FOXO4: variants seen among roughly 807,000 people sequenced by gnomAD.
FOXO4 encodes the protein forkhead box protein O4.
Under a neutral mutation model 20.8 loss-of-function variants are expected in FOXO4, and 3 were observed. The observed-to-expected ratio is 0.14, with a 90% CI of 0.07 to 0.37. FOXO4 has a LOEUF of 0.37. Among genes scored for constraint, FOXO4 ranks in the 10% least tolerant of loss-of-function variants. The pLI is 1.00. For missense variants in FOXO4, 309 were observed against 431.9 expected, an observed-to-expected ratio of 0.72 and a Z score of 2.52; for synonymous variants, 158 against 180.0, an observed-to-expected ratio of 0.88 and a Z score of 0.98.
Position 71,096,300 on chromosome X carries a change from T to C in FOXO4, c.-229T>C. ...CTCGGCAGAGGTTACAGGTGGCATCTCAGAAAGAGCTTTGAGGCTACAGGC... is the reference window on the plus strand; with the variant it reads ...CTCGGCAGAGGTTACAGGTGGCATCCCAGAAAGAGCTTTGAGGCTACAGGC... On this transcript the variant is annotated 5_prime_UTR_variant, in exon 1 of 3. Coordinates refer to ENST00000374259, the MANE Select transcript of FOXO4 (RefSeq NM_005938.4). 2.3e-6 allele frequency: 1 copy of C among 435,801 alleles called. No individual in the cohort carries two copies. The highest frequency in any genetic ancestry group is 4.0e-6 in the Non-Finnish European group (1 of 248,146). The allele number at this position is 435,801 out of a possible 1,213,427, so 35.9% of individuals were successfully genotyped here. A position where few individuals can be genotyped will look rare whatever the true frequency, so the allele number is the denominator to read the frequency against.
chrX:71,103,263 G>A lies in FOXO4; in HGVS notation c.*1179G>A, dbSNP rs2092236515. 1 of 172,410 alleles carries A rather than the reference G, an allele frequency of 5.8e-6. No homozygotes were observed. The highest frequency in any genetic ancestry group is 7.9e-5 in the Admixed American group (1 of 12,661). The allele number at this position is 172,410 out of a possible 1,213,427, so 14.2% of individuals were successfully genotyped here. On this transcript the variant is annotated 3_prime_UTR_variant, in exon 3 of 3. Transcript: ENST00000374259. ...GGGGAGCTGGGGAGCTTGGCTGAGGGTCTGGGAAATGAGCAGGGATGGGGG... is the reference window on the plus strand; with the variant it reads ...GGGGAGCTGGGGAGCTTGGCTGAGGATCTGGGAAATGAGCAGGGATGGGGG...
Position 71,101,187 on chromosome X carries a change from ATC to A in FOXO4, c.960_961del (p.Arg321GlufsTer52). 8.3e-7 allele frequency: 1 copy of A among 1,210,936 alleles called. No homozygotes were observed. On this transcript the variant is annotated frameshift_variant, in exon 2 of 3. Transcript: ENST00000374259. LOFTEE classifies it high-confidence loss of function. ...ATCTCACCTCTTCCCATTCCCTGCT[ATC>A]TCGGAGTGGTCTCTCTGGCTTCTCT... Reference protein sequence around the residue: ...LNLTSSHSLLSRSGLSGFSLQ... With the variant: ...LNLTSSHSLLXRSGLSGFSLQ...
Position 71,096,907 on chromosome X carries a change from A to G in FOXO4, c.379A>G (p.Ile127Val). 1 of 1,210,042 alleles carries G rather than the reference A, an allele frequency of 8.3e-7. No individual in the cohort carries two copies. Among genetic ancestry groups the G allele is most frequent in the East Asian group, 3.0e-5 (1 of 33,804 alleles). The change falls in exon 1 of 3, where the codon ATC (isoleucine) becomes GTC (valine). Residue 127 changes from isoleucine (I) to valine (V), a missense_variant. Ile to Val is a conservative substitution (Grantham distance 29). Coordinates refer to ENST00000374259, the MANE Select transcript of FOXO4 (RefSeq NM_005938.4). ...APEKRLTLAQIYEWMVRTVPY... is the reference protein window; with the variant it reads ...APEKRLTLAQVYEWMVRTVPY... ...GGAGAAGCGACTGACACTTGCCCAG[A>G]TCTACGAGTGGATGGTCCGTACTGT...
chrX:71,099,270 G>A (rs954983666), intron 1 of FOXO4: 2 of 111,649 alleles, frequency 1.8e-5, no homozygotes, highest in Admixed American at 9.5e-5. Flanking sequence ...AGCTGCACTG[G>A]GGGCTGAAGA....
chrX:71,100,705 T>A lies in FOXO4; in HGVS notation c.475T>A (p.Ser159Thr). ...GWKNSIRHNL[S>T]LHSKFIKVHN... ...CCAGAACTCGATCCGCCACAACCTG[T>A]CCCTGCACAGCAAGTTCATCAAGGT... The change falls in exon 2 of 3, where the codon TCC becomes ACC. Residue 159 changes from serine to threonine, a missense_variant. By Grantham distance (58) the Ser-to-Thr change is moderately conservative (BLOSUM62 1). Coordinates refer to ENST00000374259, the MANE Select transcript of FOXO4 (RefSeq NM_005938.4). 8.3e-7 allele frequency: 1 copy of A among 1,200,248 alleles called. No individual in the cohort carries two copies. Among genetic ancestry groups the A allele is most frequent in the Non-Finnish European group, 1.1e-6 (1 of 888,970 alleles).
chrX:71,096,988 A>G lies in FOXO4; in HGVS notation c.453+7A>G. ...CAGCTCAGCAGGATGGAAGGTAATT[A>G]TGACCCTCTTACCTTCTTCCCAACA... On this transcript the variant is annotated splice_region_variant and intron_variant, in intron 1 of 2. Transcript: ENST00000374259. 3 of 1,183,554 alleles carry G rather than the reference A, an allele frequency of 2.5e-6. No homozygotes were observed. The South Asian group carries it at 5.5e-5, about 22-fold the overall frequency.
At position 71,101,359 on chromosome X, in the gene FOXO4, C is replaced by A. The variant is rs1230187959; in HGVS notation, c.1129C>A (p.Pro377Thr). ...CCTGCTCACCTCTGATACGCCACCA[C>A]CCCCTGCTGACGTCCTCATGACCCA... ...EALLTSDTPPPPADVLMTQVD... is the reference protein window; with the variant it reads ...EALLTSDTPPTPADVLMTQVD... Residue 377 changes from proline to threonine, a missense_variant, in exon 2 of 3, where the codon CCC (proline) becomes ACC (threonine). Around this residue, in one of 3 missense-constraint regions of FOXO4, gnomAD observed 223 missense variants for 302.7 expected, o/e 0.74. Transcript: ENST00000374259. 2.5e-6 allele frequency: 3 copies of A among 1,211,246 alleles called. No homozygotes were observed. Among genetic ancestry groups the A allele is most frequent in the South Asian group, 3.5e-5 (2 of 56,953 alleles).
chrX:71,102,561 G>C lies in FOXO4; in HGVS notation c.*477G>C, dbSNP rs1339001412. 1.1e-5 allele frequency: 2 copies of C among 185,702 alleles called. No individual in the cohort carries two copies. The highest frequency in any genetic ancestry group is 2.0e-5 in the Non-Finnish European group (2 of 98,909). 15.3% of individuals were successfully genotyped at this position (185,702 alleles called of 1,213,427 possible). ...ATGTGCGGTGGGTGGGCTGTTTAGG[G>C]GATCTGGAAGGGCCAAGGTCTGAGC... On this transcript the variant is annotated 3_prime_UTR_variant, in exon 3 of 3. Transcript: ENST00000374259.
At chrX:71,100,487 T>A (rs1344714031) in intron 1 of FOXO4, among the ~76,000 whole-genome samples, 197 bp from the exon 2 acceptor site, 1 of 109,635 alleles carries the variant, frequency 9.1e-6, no homozygotes, top group East Asian at 2.8e-4. Context: ...TTTCTCTTTT[T>A]TTGTAAATTA....
rs1220616288 is a variant in FOXO4, at chrX:71,096,367, C to T, written c.-162C>T. On this transcript the variant is annotated 5_prime_UTR_variant, in exon 1 of 3. Transcript: ENST00000374259. ...ATCGGAGAACTGTGTGAAGGGACAGCTTAGGGACTAGCGTCCTGGGACTAG... is the reference window on the plus strand; with the variant it reads ...ATCGGAGAACTGTGTGAAGGGACAGTTTAGGGACTAGCGTCCTGGGACTAG... 14 of 476,241 alleles carry T rather than the reference C, an allele frequency of 2.9e-5. No homozygotes were observed. The highest frequency in any genetic ancestry group is 4.8e-5 in the Non-Finnish European group (13 of 270,848). 39.2% of individuals were successfully genotyped at this position (476,241 alleles called of 1,213,427 possible).
At position 71,100,862 on chromosome X, in the gene FOXO4, C is replaced by G; in HGVS notation, c.632C>G (p.Ala211Gly). The change falls in exon 2 of 3, where the codon GCC becomes GGC. Residue 211 changes from alanine to glycine, a missense_variant. Around this residue, in one of 3 missense-constraint regions of FOXO4, gnomAD observed 223 missense variants for 302.7 expected, o/e 0.74. Transcript: ENST00000374259. ...SSKLLRGRSK[A>G]PKKKPSVLPA... is the part of the protein sequence containing the mutation. ...AAGCTGCTCCGGGGCCGCAGTAAAG[C>G]CCCCAAGAAGAAACCATCTGTGCTG... 2 of 1,211,014 alleles carry G rather than the reference C, an allele frequency of 1.7e-6. No individual in the cohort carries two copies. The highest frequency in any genetic ancestry group is 2.2e-6 in the Non-Finnish European group (2 of 894,868).
In FOXO4 at chrX:71,102,197, G is replaced by A. The variant is rs750004634; in HGVS notation, c.*113G>A. 1 of 760,766 alleles carries A rather than the reference G, an allele frequency of 1.3e-6. No homozygotes were observed. The highest frequency in any genetic ancestry group is 2.3e-5 in the South Asian group (1 of 43,988). The allele number at this position is 760,766 out of a possible 1,213,427, so 62.7% of individuals were successfully genotyped here. ...TTTGGGACCCTGCTTTAGAGCTAGGGTGGGGTCTGGTCACACACAGGTGTT... is the reference window on the plus strand; with the variant it reads ...TTTGGGACCCTGCTTTAGAGCTAGGATGGGGTCTGGTCACACACAGGTGTT... On this transcript the variant is annotated 3_prime_UTR_variant, in exon 3 of 3. Coordinates refer to ENST00000374259, the MANE Select transcript of FOXO4 (RefSeq NM_005938.4).
rs1405484394 is a variant in FOXO4 at position 71,101,061 on chromosome X, G to A, written c.831G>A (p.Glu277=). ...VSTRLSPLRP[E]SEVLAEEIPA... ...CCCGGCTGTCCCCCTTGAGGCCAGA[G>A]TCTGAGGTGCTGGCGGAGGAAATAC... The change falls in exon 2 of 3, where the codon GAG becomes GAA. Residue 277 remains glutamate, a synonymous_variant. Transcript: ENST00000374259. The A allele has an allele frequency of 1.7e-5, 21 of 1,210,262 alleles. No homozygotes were observed. The highest frequency in any genetic ancestry group is 2.3e-5 in the Non-Finnish European group (21 of 895,210).
chrX:71,100,341 G>C (rs1298113386), intron 1 of FOXO4, among the ~76,000 whole-genome samples: 2 of 110,360 alleles, frequency 1.8e-5, no homozygotes, highest in African/African-American at 3.3e-5. Context: ...TTGTCTGGGA[G>C]CGGGAAATGT....
Position 71,103,376 on chromosome X carries a change from A to G in FOXO4, c.*1292A>G. The G allele has an allele frequency of 6.2e-6, 1 of 160,358 alleles. No individual in the cohort carries two copies. Among genetic ancestry groups the G allele is most frequent in the Admixed American group, 8.3e-5 (1 of 12,017 alleles). 13.2% of individuals were successfully genotyped at this position (160,358 alleles called of 1,213,427 possible). A position where few individuals can be genotyped will look rare whatever the true frequency, so the allele number is the denominator to read the frequency against. Reference sequence around the variant, plus strand: ...CAGCCCCCAAAGCAGCCCTTCCCCCAGTGCCCTTTGCATCGTCCCCTCCCC... The same window carrying G: ...CAGCCCCCAAAGCAGCCCTTCCCCCGGTGCCCTTTGCATCGTCCCCTCCCC... On this transcript the variant is annotated 3_prime_UTR_variant, in exon 3 of 3. Transcript: ENST00000374259.
Position 71,096,868 on chromosome X carries a change from A to G in FOXO4, c.340A>G (p.Ile114Val). 1 of 1,208,450 alleles carries G rather than the reference A, an allele frequency of 8.3e-7. No individual in the cohort carries two copies. Among genetic ancestry groups the G allele is most frequent in the Non-Finnish European group, 1.1e-6 (1 of 893,683 alleles). Residue 114 changes from isoleucine (I) to valine (V), a missense_variant, in exon 1 of 3, where the codon ATT (isoleucine) becomes GTT (valine). Ile to Val is a conservative substitution (Grantham distance 29). Around this residue, in one of 3 missense-constraint regions of FOXO4, gnomAD observed 5 missense variants for 35.1 expected, o/e 0.14. Coordinates refer to ENST00000374259, the MANE Select transcript of FOXO4 (RefSeq NM_005938.4). ...QSYAELISQA[I>V]ESAPEKRLTL... Reference sequence around the variant, plus strand: ...ATATGCAGAACTCATCAGCCAGGCCATTGAAAGCGCCCCGGAGAAGCGACT... The same window carrying G: ...ATATGCAGAACTCATCAGCCAGGCCGTTGAAAGCGCCCCGGAGAAGCGACT...
chrX:71,098,382 T>C (rs2092222983), intron 1 of FOXO4, among the ~76,000 whole-genome samples: 1 of 111,967 alleles, frequency 8.9e-6, no homozygotes, highest in South Asian at 3.7e-4. Context: ...CTTGCTCTAA[T>C]TGGAATGAGG....
At chrX:71,102,047 T>C in intron 2 of FOXO4, 30 bp from the exon 3 acceptor site, 9 of 1,207,119 alleles carry the variant, frequency 7.5e-6, no homozygotes, top group Non-Finnish European at 1.0e-5. Context: ...GTAAGCCTCT[T>C]ACCTTGTTCT....
Position 71,100,804 on chromosome X carries a change from C to A in FOXO4, c.574C>A (p.Arg192Ser). The stretch of plus-strand genomic sequence containing the variant: ...GGGAGGCAAGAGCGGCAAAGCCCCC[C>A]GCCGCCGGGCCGCCTCCATGGATAG... ...PEGGKSGKAPRRRAASMDSSS... is the reference protein window; with the variant it reads ...PEGGKSGKAPSRRAASMDSSS... Residue 192 changes from arginine (R) to serine (S), a missense_variant, in exon 2 of 3, where the codon CGC becomes AGC. By Grantham distance (110) the Arg-to-Ser change is moderately radical. Around this residue, in one of 3 missense-constraint regions of FOXO4, gnomAD observed 223 missense variants for 302.7 expected, o/e 0.74. Coordinates refer to ENST00000374259, the MANE Select transcript of FOXO4 (RefSeq NM_005938.4). The A allele has an allele frequency of 1.7e-6, 2 of 1,210,318 alleles. No homozygotes were observed. The highest frequency in any genetic ancestry group is 1.1e-6 in the Non-Finnish European group (1 of 894,712).
Sources: allele counts gnomAD v4.1 joint callset (sites outside exome capture counted in the v4.1 genomes callset), GRCh38; gene constraint gnomAD v4.1.1; regional missense constraint gnomAD v4.1.1; transcripts MANE v1.5; gene names NCBI Gene and HGNC (gene_info 2026-07-23, HGNC 2026-07-21).